PDE1A: variants seen among roughly 807,000 people sequenced by gnomAD.
PDE1A encodes the protein phosphodiesterase 1A.
In PDE1A, 35 loss-of-function variants were observed where a neutral mutation model predicts 61.7. The observed-to-expected ratio is 0.57, with a 90% confidence interval of 0.43 to 0.75. The LOEUF is 0.75. Ranked by LOEUF, PDE1A falls within the 30% of genes least tolerant of loss-of-function variation. The pLI is 0.00. For missense variants in PDE1A, 597 were observed against 630.6 expected, an observed-to-expected ratio of 0.95 and a Z score of 0.57; for synonymous variants, 232 against 213.2, an observed-to-expected ratio of 1.09 and a Z score of -0.77.
At chr2:182,525,795 C>T (rs906392450), upstream of PDE1A, among the ~76,000 whole-genome samples, 8 of 152,112 alleles carry the variant, frequency 5.3e-5, no homozygotes, top group African/African-American at 1.9e-4. Context: ...AATTTTAATT[C>T]TTTAGCCAGT....
chr2:182,354,177 T>C (rs1310783548), intron 1 of PDE1A, among the ~76,000 whole-genome samples: 1 of 152,154 alleles, frequency 6.6e-6, no homozygotes, highest in African/African-American at 2.4e-5. Context: ...TTTAGTCCAC[T>C]GAACTTTGAA....
At chr2:182,629,496 G>A in the PDE1A span, among the ~76,000 whole-genome samples, 3 of 152,066 alleles carry the variant, frequency 2.0e-5, no homozygotes, top group Non-Finnish European at 4.4e-5. Context: ...CTTATAGTGG[G>A]AGGATCTTAC....
intron 1 of PDE1A, among the ~76,000 whole-genome samples, chr2:182,327,087 G>C (rs1211785307): frequency 6.6e-6 from 1 of 152,116 alleles, no homozygotes; most frequent in Non-Finnish European, 1.5e-5. Flanking sequence ...AATTCTTCTA[G>C]GTCCTGGGGA....
At chr2:182,454,971 C>A (rs912650363) in intron 2 of PDE1A, among the ~76,000 whole-genome samples, 2 of 151,452 alleles carry the variant, frequency 1.3e-5, no homozygotes, top group African/African-American at 4.8e-5. Context: ...AAACAGGCAA[C>A]CTACAAAATG....
chr2:182,542,720 G>A, the PDE1A span, among the ~76,000 whole-genome samples: 185 of 152,200 alleles, frequency 1.2e-3, no homozygotes, highest in Non-Finnish European at 2.2e-3. Context: ...TTACGTCAAC[G>A]AATGATAAAT....
At chr2:182,380,098 C>T (rs1209920022) in intron 1 of PDE1A, among the ~76,000 whole-genome samples, 3 of 149,536 alleles carry the variant, frequency 2.0e-5, no homozygotes, top group Non-Finnish European at 3.0e-5. Flanking sequence ...TTAGAAGACC[C>T]AGCTCCTCTT....
chr2:182,685,287 T>C, the PDE1A span, among the ~76,000 whole-genome samples: 2 of 152,186 alleles, frequency 1.3e-5, no homozygotes, highest in East Asian at 3.8e-4. Context: ...TTAGTCTTTG[T>C]AGTTAACAAA....
intron 2 of PDE1A, among the ~76,000 whole-genome samples, chr2:182,253,942 T>C (rs1208884588): frequency 6.6e-6 from 1 of 152,206 alleles, no homozygotes; most frequent in Non-Finnish European, 1.5e-5. Context: ...AAATCATATA[T>C]GCAAATTGAA....
chr2:182,231,314 C>A (rs563685736), intron 4 of PDE1A, among the ~76,000 whole-genome samples, 183 bp from the exon 5 acceptor site: 34 of 152,218 alleles, frequency 2.2e-4, no homozygotes, highest in Admixed American at 5.2e-4. Flanking sequence ...AAAATTGAGG[C>A]CATAATGCTT....
chr2:182,485,951 T>A (rs1186983304), intron 2 of PDE1A, among the ~76,000 whole-genome samples: 1 of 152,012 alleles, frequency 6.6e-6, no homozygotes, highest in Non-Finnish European at 1.5e-5. Context: ...CTGGAAGGTC[T>A]ACCCACTACA....
chr2:182,355,690 C>T (rs556387547), intron 1 of PDE1A, among the ~76,000 whole-genome samples: 55 of 152,070 alleles, frequency 3.6e-4, no homozygotes, highest in Non-Finnish European at 2.6e-4. Flanking sequence ...AAAATAGTTT[C>T]ATGGTAAAAT....
chr2:182,647,462 C>T, the PDE1A span, among the ~76,000 whole-genome samples: 18 of 152,006 alleles, frequency 1.2e-4, no homozygotes, highest in Non-Finnish European at 2.6e-4. Context: ...TCTTTATGTG[C>T]TTTGTTTTTA....
intron 2 of PDE1A, among the ~76,000 whole-genome samples, chr2:182,245,173 AG>A: frequency 6.6e-6 from 1 of 152,168 alleles, no homozygotes; most frequent in East Asian, 1.9e-4. Flanking sequence ...CCACAATCTC[AG>A]GCACCTTCTT....
intron 1 of PDE1A, among the ~76,000 whole-genome samples, chr2:182,403,610 A>AAAAAAAAG (rs1462512324): frequency 6.6e-6 from 1 of 151,010 alleles, no homozygotes; most frequent in Non-Finnish European, 1.5e-5. Flanking sequence ...AAAAAAAAAA[A>AAAAAAAAG]AAAAGAAAAT....
At chr2:182,532,009 T>A in the PDE1A span, among the ~76,000 whole-genome samples, 3 of 152,194 alleles carry the variant, frequency 2.0e-5, no homozygotes, top group African/African-American at 7.2e-5. Context: ...TTCATCCATG[T>A]CCCTGCAAAG....
chr2:182,480,548 A>C (rs1277742732), intron 2 of PDE1A, among the ~76,000 whole-genome samples: 2 of 151,956 alleles, frequency 1.3e-5, no homozygotes, highest in Non-Finnish European at 2.9e-5. Flanking sequence ...CAAATAATAA[A>C]ATTTTAATTT....
the PDE1A span, among the ~76,000 whole-genome samples, chr2:182,666,451 A>G: frequency 6.1e-4 from 93 of 151,992 alleles, 1 homozygote; most frequent in South Asian, 0.018. Flanking sequence ...AACCCCATCA[A>G]TACAAAATTA....
Position 182,445,666 on chromosome 2 carries a change from C to T in PDE1A, c.101+76610G>A, listed in dbSNP as rs149953805. ...TGTTAAGAGCTGAAATACCATAGAG[C>T]TTTTAATATTATTATTTGGAAAAGT... On this transcript the variant is annotated intron_variant, in intron 2 of 14. Transcript: ENST00000410103. Among the ~76,000 whole-genome samples the T allele has an allele frequency of 1.8e-3, 273 of 152,176 alleles. 1 individual carries two copies. The highest frequency in any genetic ancestry group is 6.2e-3 in the African/African-American group (259 of 41,562).
chr2:182,615,981 C>T, the PDE1A span, among the ~76,000 whole-genome samples: 80 of 152,320 alleles, frequency 5.3e-4, no homozygotes, highest in African/African-American at 1.7e-3. Context: ...GTTTCCAACA[C>T]ATTAACTTTG....
Sources: gnomAD v4.1 joint callset for allele counts (sites outside exome capture counted in the v4.1 genomes callset) on GRCh38, gnomAD v4.1.1 for gene constraint, MANE v1.5 for transcripts, NCBI Gene and HGNC (gene_info 2026-07-23, HGNC 2026-07-21) for gene names.